PDE5A: variants seen among roughly 807,000 people sequenced by gnomAD.
The protein encoded by PDE5A is cGMP-specific 3',5'-cyclic phosphodiesterase.
A neutral mutation model predicts 110.2 loss-of-function variants in PDE5A; 67 were observed. The ratio of observed to expected loss-of-function variants is 0.61; its 90% CI spans 0.50 to 0.75. The LOEUF (loss-of-function observed/expected upper bound fraction) is 0.75. Among genes scored for constraint, PDE5A ranks in the 30% least tolerant of loss-of-function variants. PDE5A has a pLI of 0.00. For synonymous variants in PDE5A, 328 were observed against 351.2 expected (o/e 0.93, Z 0.74); for missense variants, 862 against 1,045.1 (o/e 0.82, Z 2.42).
intron 3 of PDE5A, among the ~76,000 whole-genome samples, chr4:119,570,257 C>T (rs962344122): frequency 9.2e-5 from 14 of 152,164 alleles, no homozygotes; most frequent in African/African-American, 3.1e-4. Flanking sequence ...AGATCATTGT[C>T]TTTAAATCAA....
chr4:119,494,792 A>G lies in PDE5A; in HGVS notation c.*3809T>C, dbSNP rs199907675. ...TAAGGTTTTCTTAAACTGTAATATA[A>G]ATTTATATTTTCAACTATTTACATT... On this transcript the variant is annotated 3_prime_UTR_variant, in exon 21 of 21. Coordinates refer to ENST00000354960, the MANE Select transcript of PDE5A (RefSeq NM_001083.4). The G allele has an allele frequency of 6.6e-6, 1 of 152,572 alleles. No individual in the cohort carries two copies. The highest frequency in any genetic ancestry group is 2.4e-5 in the African/African-American group (1 of 41,436). 9.5% of individuals were successfully genotyped at this position (152,572 alleles called of 1,614,324 possible). A position where few individuals can be genotyped will look rare whatever the true frequency, so the allele number is the denominator to read the frequency against.
chr4:119,503,529 TAACC>T (rs1393435112), intron 18 of PDE5A, among the ~76,000 whole-genome samples: 3 of 152,264 alleles, frequency 2.0e-5, no homozygotes, highest in African/African-American at 7.2e-5. Flanking sequence ...CGTAGAAGGC[TAACC>T]ATAAGAAAAG....
rs766247839 is a variant in PDE5A, at chr4:119,502,640, C to G, written c.2347G>C (p.Ala783Pro). ...TCTCCTTGATCAAAAAATTCAGTTG[C>G]TACAAGTTCTGCTATCTGAAATAAA... Reference protein sequence around the residue: ...PIQQRIAELVATEFFDQGDRE... With the variant: ...PIQQRIAELVPTEFFDQGDRE... The change falls in exon 19 of 21, where the codon GCA becomes CCA. Residue 783 changes from alanine to proline, a missense_variant. Physicochemically the swap from Ala to Pro is conservative, Grantham distance 27. Coordinates refer to ENST00000354960, the MANE Select transcript of PDE5A (RefSeq NM_001083.4). 2.5e-6 allele frequency: 4 copies of G among 1,603,912 alleles called. No individual in the cohort carries two copies. The highest frequency in any genetic ancestry group is 3.4e-6 in the Non-Finnish European group (4 of 1,171,416).
chr4:119,528,057 A>AT, intron 11 of PDE5A, among the ~76,000 whole-genome samples: 1 of 151,920 alleles, frequency 6.6e-6, no homozygotes, highest in Admixed American at 6.6e-5. Context: ...GGAATGCAAA[A>AT]AAAAAATAAA....
intron 3 of PDE5A, among the ~76,000 whole-genome samples, chr4:119,577,780 A>G (rs967247044): frequency 6.6e-6 from 1 of 152,240 alleles, no homozygotes; most frequent in Non-Finnish European, 1.5e-5. Flanking sequence ...CTGGCACAAG[A>G]CAGGGATGCC....
At chr4:119,575,112 G>C (rs147059602) in intron 3 of PDE5A, among the ~76,000 whole-genome samples, 1 of 152,180 alleles carries the variant, frequency 6.6e-6, no homozygotes, top group Non-Finnish European at 1.5e-5. Flanking sequence ...TGAATGAAAT[G>C]AAGTGAGAAG....
At chr4:119,510,581 T>C (rs1388144530) in intron 15 of PDE5A, among the ~76,000 whole-genome samples, 2 of 152,072 alleles carry the variant, frequency 1.3e-5, no homozygotes, top group African/African-American at 4.8e-5. Flanking sequence ...TAGCATAGCA[T>C]ATGCTTTCTT....
chr4:119,612,543 C>T (rs1254183570), intron 1 of PDE5A, among the ~76,000 whole-genome samples: 1 of 152,168 alleles, frequency 6.6e-6, no homozygotes, highest in Non-Finnish European at 1.5e-5. Flanking sequence ...TCCTGTAAAG[C>T]CTGCAGAATC....
intron 14 of PDE5A, among the ~76,000 whole-genome samples, chr4:119,511,352 G>T (rs1295594676): frequency 3.6e-4 from 54 of 152,062 alleles, no homozygotes; most frequent in Non-Finnish European, 6.0e-4. Flanking sequence ...ACCATTGCCA[G>T]AGTAAAGTAT....
Position 119,502,573 on chromosome 4 carries a change from ATACT to A in PDE5A, c.2406+4_2406+7del. The stretch of plus-strand genomic sequence containing the variant: ...GAATAATTCCTACCAACAAGGTTTC[ATACT>A]TACAGTGGGTTCTATGTTGAGTTCT... On this transcript the variant is annotated splice_donor_5th_base_variant and intron_variant, in intron 19 of 20. Coordinates refer to ENST00000354960, the MANE Select transcript of PDE5A (RefSeq NM_001083.4). 1 of 1,527,034 alleles carries A rather than the reference ATACT, an allele frequency of 6.5e-7. No homozygotes were observed. Among genetic ancestry groups the A allele is most frequent in the Non-Finnish European group, 9.0e-7 (1 of 1,110,106 alleles). The allele number at this position is 1,527,034 out of a possible 1,614,324, so 94.6% of individuals were successfully genotyped here. A position where few individuals can be genotyped will look rare whatever the true frequency, so the allele number is the denominator to read the frequency against.
At position 119,609,848 on chromosome 4, in the gene PDE5A, T is replaced by G. The variant is rs148661739; in HGVS notation, c.153-2551A>C. On this transcript the variant is annotated intron_variant, in intron 1 of 20. Coordinates refer to ENST00000354960, the MANE Select transcript of PDE5A (RefSeq NM_001083.4). ...CTACCTTGACTTAGCCATTCCACAA[T>G]GTATACATACATCAAAGCATCATGC... is the stretch of plus-strand genomic sequence containing the variant. 1.4e-4 allele frequency among the ~76,000 whole-genome samples: 22 copies of G among 152,338 alleles called. 1 individual carries two copies. The East Asian group carries it at 4.2e-3, about 29-fold the overall frequency.
chr4:119,538,899 C>T (rs965005349), intron 11 of PDE5A, 61 bp downstream of exon 11: 2 of 1,195,816 alleles, frequency 1.7e-6, no homozygotes, highest in African/African-American at 1.5e-5. Context: ...AAATATTTAC[C>T]AAATTTGGTT....
intron 7 of PDE5A, among the ~76,000 whole-genome samples, chr4:119,555,741 C>G (rs1328627008): frequency 6.6e-6 from 1 of 152,006 alleles, no homozygotes; most frequent in African/African-American, 2.4e-5. Flanking sequence ...TAAATTCAGA[C>G]TTACACTAGT....
rs547185283 is a variant in PDE5A at position 119,596,247 on chromosome 4, A to G, written c.831+276T>C. ...ATCCTAATCACAACCATAATTACAT[A>G]TCTTAAGATAGAATAACGCCTTCAG... On this transcript the variant is annotated intron_variant, in intron 3 of 20. Transcript: ENST00000354960. 2.0e-5 allele frequency among the ~76,000 whole-genome samples: 3 copies of G among 152,272 alleles called. No individual in the cohort carries two copies. The South Asian group carries it at 6.2e-4, about 32-fold the overall frequency.
At chr4:119,553,769 T>C (rs1392801115) in intron 7 of PDE5A, 23 bp from the exon 8 acceptor site, 1 of 1,199,926 alleles carries the variant, frequency 8.3e-7, no homozygotes, top group Non-Finnish European at 1.2e-6. Context: ...CAGATATGAG[T>C]TCCCTCTGTG....
chr4:119,588,246 C>G (rs146720132), intron 3 of PDE5A, among the ~76,000 whole-genome samples: 3 of 149,198 alleles, frequency 2.0e-5, no homozygotes, highest in Non-Finnish European at 4.4e-5. Flanking sequence ...ACGATCTCAG[C>G]TCACTGAAGC....
chr4:119,499,315 C>T (rs762023631), intron 20 of PDE5A, among the ~76,000 whole-genome samples: 2 of 151,584 alleles, frequency 1.3e-5, no homozygotes, highest in Admixed American at 6.6e-5. Context: ...TAAAACCTCC[C>T]GCAGAATAAA....
intron 16 of PDE5A, among the ~76,000 whole-genome samples, 171 bp downstream of exon 16, chr4:119,507,433 A>T (rs904497430): frequency 3.0e-4 from 45 of 151,974 alleles, no homozygotes; most frequent in African/African-American, 1.1e-3. Flanking sequence ...TCAGCAGTAT[A>T]AGCCAAAGGA....
At chr4:119,591,826 G>A (rs1367381787) in intron 3 of PDE5A, among the ~76,000 whole-genome samples, 1 of 152,114 alleles carries the variant, frequency 6.6e-6, no homozygotes, top group Non-Finnish European at 1.5e-5. Context: ...GAGAAGGAAG[G>A]AGAATGGGGA....
Sources: allele counts gnomAD v4.1 joint callset (sites outside exome capture counted in the v4.1 genomes callset), GRCh38; gene constraint gnomAD v4.1.1; transcripts MANE v1.5; gene names NCBI Gene and HGNC (gene_info 2026-07-23, HGNC 2026-07-21).